RYR2: variants seen among roughly 807,000 people sequenced by gnomAD.
RYR2 encodes cardiac muscle ryanodine receptor-calcium release channel.
RYR2 carries 227 observed loss-of-function variants against 601.1 expected under a neutral mutation model. The ratio of observed to expected loss-of-function variants is 0.38; its 90% CI spans 0.34 to 0.42. The LOEUF is 0.42. Ranked by LOEUF, RYR2 falls within the 10% of genes least tolerant of loss-of-function variation. The probability of loss-of-function intolerance (pLI) is 1.00; values close to 1 mark genes in which losing one functional copy is unlikely to be tolerated. For missense variants in RYR2, 4,646 were observed against 6,156.5 expected, an observed-to-expected ratio of 0.75 and a Z score of 8.21; for synonymous variants, 2,223 against 2,175.1, an observed-to-expected ratio of 1.02 and a Z score of -0.61.
intron 2 of RYR2, among the ~76,000 whole-genome samples, chr1:237,284,969 C>T (rs565326612): frequency 6.6e-6 from 1 of 152,204 alleles, no homozygotes; most frequent in African/African-American, 2.4e-5. Context: ...ATCATGTCAT[C>T]CGCAAACAGT....
Position 237,364,369 on chromosome 1 carries a change from GA to G in RYR2, c.308del (p.Lys103ArgfsTer81). On this transcript the variant is annotated frameshift_variant and splice_region_variant, in exon 5 of 105. Coordinates refer to ENST00000366574, the MANE Select transcript of RYR2 (RefSeq NM_001035.3). LOFTEE classifies it high-confidence loss of function. ...TTATGCCCCTACAGAAATTCATGAT[GA>G]AGGTAAGACATCTTAATATATATGC... ...VDVEKWKFMM[K>X]TAQGGGHRTL... 1 of 1,561,872 alleles carries G rather than the reference GA, an allele frequency of 6.4e-7. No individual in the cohort carries two copies. The highest frequency in any genetic ancestry group is 1.2e-5 in the South Asian group (1 of 85,902).
intron 94 of RYR2, 72 bp downstream of exon 94, chr1:237,792,395 G>A: frequency 6.6e-6 from 5 of 757,682 alleles, no homozygotes; most frequent in Non-Finnish European, 9.9e-6. Flanking sequence ...GTGTGTGTGT[G>A]TGCGTGTGTG....
intron 22 of RYR2, among the ~76,000 whole-genome samples, chr1:237,504,449 G>A (rs1035796208): frequency 6.6e-6 from 1 of 152,028 alleles, no homozygotes; most frequent in African/African-American, 2.4e-5. Flanking sequence ...GTTCGGGTGG[G>A]GCAGAAACAA....
intron 10 of RYR2, among the ~76,000 whole-genome samples, chr1:237,401,837 T>A (rs1435507917): frequency 6.6e-6 from 1 of 152,142 alleles, no homozygotes; most frequent in East Asian, 1.9e-4. Context: ...TGAAGCTATT[T>A]AGGGGCCCAC....
intron 17 of RYR2, 37 bp from the exon 18 acceptor site, chr1:237,491,769 A>G: frequency 1.1e-6 from 1 of 935,324 alleles, no homozygotes; most frequent in Non-Finnish European, 1.7e-6. Flanking sequence ...CCAATTAATC[A>G]TGTGTTTTTT....
rs1219691224 is a variant in RYR2, at chr1:237,590,993, G to T, written c.4160+1G>T. ...AAAAGCCCTCTCGTCTGAAACAAAG[G>T]TTACTAATTTATACGCTGTGATTTT... On this transcript the variant is annotated splice_donor_variant, in intron 31 of 104. Transcript: ENST00000366574. LOFTEE classifies it high-confidence loss of function. 1 of 1,609,098 alleles carries T rather than the reference G, an allele frequency of 6.2e-7. No individual in the cohort carries two copies. Among genetic ancestry groups the T allele is most frequent in the South Asian group, 1.1e-5 (1 of 90,664 alleles).
intron 44 of RYR2, among the ~76,000 whole-genome samples, chr1:237,636,687 C>T (rs1300690600): frequency 6.6e-6 from 1 of 152,120 alleles, no homozygotes; most frequent in African/African-American, 2.4e-5. Flanking sequence ...ACAATTTACC[C>T]AGTAGAAAGG....
At chr1:237,267,861 T>A (rs937942839) in intron 1 of RYR2, among the ~76,000 whole-genome samples, 10 of 152,328 alleles carry the variant, frequency 6.6e-5, no homozygotes, top group African/African-American at 2.4e-4. Context: ...GGTTTAGTGA[T>A]CAATTTCTGG....
chr1:237,529,360 A>G (rs1667892816), intron 24 of RYR2, among the ~76,000 whole-genome samples: 1 of 152,138 alleles, frequency 6.6e-6, no homozygotes. Flanking sequence ...TTCATATATA[A>G]CAAAATTTAA....
chr1:237,433,629 T>C (rs1707060472), intron 12 of RYR2, among the ~76,000 whole-genome samples: 1 of 152,162 alleles, frequency 6.6e-6, no homozygotes, highest in African/African-American at 2.4e-5. Flanking sequence ...TTAAAATACA[T>C]ATTGGATTCA....
intron 12 of RYR2, among the ~76,000 whole-genome samples, chr1:237,433,034 TG>T (rs59192841): frequency 0.067 from 2,200 of 32,954 alleles, 49 homozygotes; most frequent in African/African-American, 0.18. Context: ...TGACTGTGTG[TG>T]GGGGGGGGTA....
Position 237,511,682 on chromosome 1 carries a change from T to C in RYR2, c.2719-6T>C. ...TATTTTATGTCAATTTCCTGTCCTGTTTCAGGTTAGAGATGACAACAAGAG... is the reference window on the plus strand; with the variant it reads ...TATTTTATGTCAATTTCCTGTCCTGCTTCAGGTTAGAGATGACAACAAGAG... On this transcript the variant is annotated splice_region_variant and splice_polypyrimidine_tract_variant and intron_variant, in intron 23 of 104. Coordinates refer to ENST00000366574, the MANE Select transcript of RYR2 (RefSeq NM_001035.3). 1 of 1,557,608 alleles carries C rather than the reference T, an allele frequency of 6.4e-7. No homozygotes were observed. The highest frequency in any genetic ancestry group is 8.7e-7 in the Non-Finnish European group (1 of 1,148,558).
At position 237,614,840 on chromosome 1, in the gene RYR2, G is replaced by A. The variant is rs377763336; in HGVS notation, c.5712G>A (p.Leu1904=). The A allele has an allele frequency of 1.0e-5, 16 of 1,562,352 alleles. No individual in the cohort carries two copies. The highest frequency in any genetic ancestry group is 1.4e-5 in the African/African-American group (1 of 72,958). ...TGAAACTGCCAGAGCCAGTTAAATT[G>A]CAGGTAATCAGAACAAGAGACTTGA... is the stretch of plus-strand genomic sequence containing the variant. ...LQMKLPEPVK[L]QMCLLLQYLC... The change falls in exon 37 of 105, where the codon TTG becomes TTA. Residue 1904 remains leucine, a synonymous_variant. Transcript: ENST00000366574. This position sits in a 1 kb window ranked among gnomAD's most constrained non-coding sequence, Gnocchi z 4.3.
At chr1:237,264,085 G>C (rs1018072310) in intron 1 of RYR2, among the ~76,000 whole-genome samples, 3 of 98,360 alleles carry the variant, frequency 3.1e-5, no homozygotes, top group African/African-American at 1.1e-4. Context: ...AAACACACAT[G>C]CACATGCACA....
At chr1:237,642,700 A>G (rs1028661222) in intron 47 of RYR2, among the ~76,000 whole-genome samples, 5 of 152,106 alleles carry the variant, frequency 3.3e-5, no homozygotes. Context: ...CCGGCTCTTC[A>G]GACCTAGTCT....
chr1:237,268,950 A>AAAAAAAAAAAAAAAAAAAAAC (rs1689379445), intron 1 of RYR2, among the ~76,000 whole-genome samples: 1 of 107,150 alleles, frequency 9.3e-6, no homozygotes, highest in Admixed American at 1.4e-4. Flanking sequence ...AAAAAAAAAA[A>AAAAAAAAAAAAAAAAAAAAAC]AAAAAAAAAA....
Position 237,184,835 on chromosome 1 carries a change from C to T in RYR2, c.49-85662C>T, listed in dbSNP as rs529876387. ...TTGCTGAAAGTGATGTCAGTTTTGT[C>T]TTTAGTTGAGTTGAAGGTTATCTTA... On this transcript the variant is annotated intron_variant, in intron 1 of 104. Coordinates refer to ENST00000366574, the MANE Select transcript of RYR2 (RefSeq NM_001035.3). 2.0e-5 allele frequency among the ~76,000 whole-genome samples: 3 copies of T among 149,100 alleles called. No individual in the cohort carries two copies. The East Asian group carries it at 5.9e-4, about 29-fold the overall frequency.
At chr1:237,494,993 G>A (rs923028285) in intron 19 of RYR2, among the ~76,000 whole-genome samples, 2 of 152,076 alleles carry the variant, frequency 1.3e-5, no homozygotes, top group Non-Finnish European at 2.9e-5. Context: ...GTTTCACCAT[G>A]TTGGCCAGCC....
In RYR2 at chr1:237,400,902, G is replaced by A. The variant is rs1703295345; in HGVS notation, c.773+12719G>A. 2.0e-5 allele frequency among the ~76,000 whole-genome samples: 3 copies of A among 152,282 alleles called. No individual in the cohort carries two copies. In the South Asian group the frequency reaches 6.2e-4, roughly 32 times the overall value. On this transcript the variant is annotated intron_variant, in intron 10 of 104. Coordinates refer to ENST00000366574, the MANE Select transcript of RYR2 (RefSeq NM_001035.3). ...AAGGGCTTAGAAGTGAAGCACAACT[G>A]TTAGAAGAATCATAGGATGGAAATG...
Sources: gnomAD v4.1 joint callset for allele counts (sites outside exome capture counted in the v4.1 genomes callset) on GRCh38, gnomAD v4.1.1 for gene constraint, Gnocchi (gnomAD v3.1) non-coding constraint, MANE v1.5 for transcripts, NCBI Gene and HGNC (gene_info 2026-07-23, HGNC 2026-07-21) for gene names.